HLTF: variants seen among roughly 807,000 people sequenced by gnomAD.
HLTF encodes the protein helicase like transcription factor.
Under a neutral mutation model 129.4 loss-of-function variants are expected in HLTF, and 127 were observed. That is an observed-to-expected ratio of 0.98 (90% CI 0.85 to 1.14). The LOEUF (loss-of-function observed/expected upper bound fraction) is 1.14, where lower values mean the gene tolerates loss of function less well. Ranked by LOEUF, HLTF falls within the 50% of genes most tolerant of loss-of-function variation. The pLI is 0.00. For synonymous variants in HLTF, 332 were observed against 388.8 expected, an observed-to-expected ratio of 0.85 and a Z score of 1.72; for missense variants, 1,139 against 1,187.1, an observed-to-expected ratio of 0.96 and a Z score of 0.60.
chr3:149,050,456 G>A, intron 14 of HLTF, 81 bp from the exon 15 acceptor site: 1 of 880,408 alleles, frequency 1.1e-6, no homozygotes. Flanking sequence ...TAACTGCCCT[G>A]GCAGTAGTGT....
Position 149,080,407 on chromosome 3 carries a change from C to T in HLTF, c.228+4275G>A, listed in dbSNP as rs372830148. On this transcript the variant is annotated intron_variant, in intron 2 of 24. Coordinates refer to ENST00000310053, the MANE Select transcript of HLTF (RefSeq NM_003071.4). ...CAAGAAAGCTGCTTCAAACCTCTCC[C>T]AGCATGTCTACTGACTCAAGAGATT... Among the ~76,000 whole-genome samples the T allele has an allele frequency of 2.8e-3, 331 of 116,796 alleles. 1 individual carries two copies. Among genetic ancestry groups the T allele is most frequent in the African/African-American group, 0.015 (321 of 21,678 alleles). 76.6% of individuals were successfully genotyped at this position (116,796 alleles called of 152,430 possible).
chr3:149,071,687 A>G (rs1718876725), intron 5 of HLTF, 30 bp from the exon 6 acceptor site: 4 of 1,238,910 alleles, frequency 3.2e-6, no homozygotes, highest in Non-Finnish European at 1.2e-6. Context: ...GAAACAATGT[A>G]AAACAAACTA....
At chr3:149,077,276 A>T (rs149363800) in intron 2 of HLTF, among the ~76,000 whole-genome samples, 44,077 of 149,662 alleles carry the variant, frequency 0.29, 7,356 homozygotes, top group Middle Eastern at 0.45. Flanking sequence ...ATAAATAAAT[A>T]AATAAATAAA....
At chr3:149,072,188 GTAAAAGAATA>G (rs1576617709) in intron 5 of HLTF, among the ~76,000 whole-genome samples, 1 of 152,162 alleles carries the variant, frequency 6.6e-6, no homozygotes, top group East Asian at 1.9e-4. Flanking sequence ...TTGTTAGGAG[GTAAAAGAATA>G]TAAAAGAATT....
At chr3:149,060,423 T>C (rs1034364187) in intron 12 of HLTF, among the ~76,000 whole-genome samples, 1 of 152,134 alleles carries the variant, frequency 6.6e-6, no homozygotes, top group African/African-American at 2.4e-5. Flanking sequence ...GTTTAAATAT[T>C]ATTATCCCTT....
rs754901630 is a variant in HLTF at position 149,068,350 on chromosome 3, A to G, written c.895-15T>C. The G allele has an allele frequency of 8.0e-7, 1 of 1,255,108 alleles. No homozygotes were observed. Among genetic ancestry groups the G allele is most frequent in the Non-Finnish European group, 1.1e-6 (1 of 878,060 alleles). The allele number at this position is 1,255,108 out of a possible 1,614,324, so 77.7% of individuals were successfully genotyped here. On this transcript the variant is annotated splice_polypyrimidine_tract_variant and intron_variant, in intron 7 of 24. Coordinates refer to ENST00000310053, the MANE Select transcript of HLTF (RefSeq NM_003071.4). Reference sequence around the variant, plus strand: ...AGAGTTTTACCCTTAAAAATGTTTTAAAAAGATAAATGGTCAGATTGTGAA... The same window carrying G: ...AGAGTTTTACCCTTAAAAATGTTTTGAAAAGATAAATGGTCAGATTGTGAA...
At chr3:149,043,548 A>G (rs778576284) in intron 18 of HLTF, among the ~76,000 whole-genome samples, 214 of 105,626 alleles carry the variant, frequency 2.0e-3, no homozygotes, top group South Asian at 6.6e-3. Flanking sequence ...CTTCAGAGGG[A>G]AAAAAAAAAA....
chr3:149,073,391 T>C, intron 4 of HLTF, 69 bp from the exon 5 acceptor site: 6 of 1,094,998 alleles, frequency 5.5e-6, no homozygotes, highest in Non-Finnish European at 5.5e-6. Flanking sequence ...ATTAAGTAGC[T>C]TTTAAAATAT....
chr3:149,051,134 G>C (rs533552725), intron 14 of HLTF, among the ~76,000 whole-genome samples: 7 of 151,742 alleles, frequency 4.6e-5, no homozygotes, highest in Admixed American at 6.6e-5. Context: ...ATAGGACTTG[G>C]GGACTAATGA....
chr3:149,086,529 A>C lies in HLTF; in HGVS notation c.-193T>G, dbSNP rs1049791085. 5.4e-5 allele frequency: 34 copies of C among 626,032 alleles called. No individual in the cohort carries two copies. The highest frequency in any genetic ancestry group is 4.9e-4 in the East Asian group (18 of 36,670). The allele number at this position is 626,032 out of a possible 1,614,324, so 38.8% of individuals were successfully genotyped here. On this transcript the variant is annotated 5_prime_UTR_variant, in exon 1 of 25. The change creates a new upstream start codon in the 5' untranslated region. Coordinates refer to ENST00000310053, the MANE Select transcript of HLTF (RefSeq NM_003071.4). Reference sequence around the variant, plus strand: ...CGTCGACGCCGTCTCCTTCTGCAACAATCTGGGAGACCAGCGTCGCTCTGT... The same window carrying C: ...CGTCGACGCCGTCTCCTTCTGCAACCATCTGGGAGACCAGCGTCGCTCTGT...
At chr3:149,062,865 AAAG>A (rs1718060383) in intron 10 of HLTF, among the ~76,000 whole-genome samples, 2 of 152,206 alleles carry the variant, frequency 1.3e-5, no homozygotes, top group South Asian at 4.1e-4. Context: ...AAATAGAAAA[AAAG>A]TAGTAGAAAG....
In HLTF at chr3:149,075,999, A is replaced by T; in HGVS notation, c.277T>A (p.Tyr93Asn). 6.5e-7 allele frequency: 1 copy of T among 1,544,116 alleles called. No homozygotes were observed. Among genetic ancestry groups the T allele is most frequent in the Non-Finnish European group, 8.9e-7 (1 of 1,119,252 alleles). The stretch of plus-strand genomic sequence containing the variant: ...TTTACTTTAATTGCATTCTTATCAT[A>T]AGGGTTATTAGGATCTCGTTGTAAT... ...VALQRDPNNP[Y>N]DKNAIKVNNV... The change falls in exon 3 of 25, where the codon TAT becomes AAT. Residue 93 changes from tyrosine to asparagine, a missense_variant. Tyr to Asn is a moderately radical substitution (Grantham distance 143). Transcript: ENST00000310053.
At chr3:149,055,206 T>C (rs1717317460) in intron 14 of HLTF, 97 bp downstream of exon 14, 2 of 767,034 alleles carry the variant, frequency 2.6e-6, no homozygotes, top group South Asian at 3.8e-5. Flanking sequence ...GATGACCAAG[T>C]ATATTTACCC....
chr3:149,031,572 C>T lies in HLTF; in HGVS notation c.*648G>A, dbSNP rs1715051906. On this transcript the variant is annotated 3_prime_UTR_variant, in exon 25 of 25. Transcript: ENST00000310053. ...AAACAATGAGTGTAGTACTACTTAA[C>T]TAAAATGGAAAAAATAGTACTCTTA... 6.6e-6 allele frequency: 1 copy of T among 152,366 alleles called. No individual in the cohort carries two copies. Among genetic ancestry groups the T allele is most frequent in the African/African-American group, 2.4e-5 (1 of 41,384 alleles). The allele number at this position is 152,366 out of a possible 1,614,324, so 9.4% of individuals were successfully genotyped here. A position where few individuals can be genotyped will look rare whatever the true frequency, so the allele number is the denominator to read the frequency against.
chr3:149,081,795 T>A (rs1719897260), intron 2 of HLTF, among the ~76,000 whole-genome samples: 1 of 152,174 alleles, frequency 6.6e-6, no homozygotes, highest in Non-Finnish European at 1.5e-5. Context: ...AAATGGTTAT[T>A]CAACTTGGAA....
chr3:149,074,346 A>G lies in HLTF; in HGVS notation c.398T>C (p.Val133Ala). ...MDNKLAQIEG[V>A]VPFGANNAFT... ...AGCATTGTTTGCACCAAAAGGAACTACCCTATTATATTTGGGAGAAAAAGA... is the reference window on the plus strand; with the variant it reads ...AGCATTGTTTGCACCAAAAGGAACTGCCCTATTATATTTGGGAGAAAAAGA... Residue 133 changes from valine (V) to alanine (A), a missense_variant and splice_region_variant, in exon 4 of 25, where the codon GTA becomes GCA. Val to Ala is a moderately conservative substitution (Grantham distance 64). Coordinates refer to ENST00000310053, the MANE Select transcript of HLTF (RefSeq NM_003071.4). 3 of 1,601,908 alleles carry G rather than the reference A, an allele frequency of 1.9e-6. No individual in the cohort carries two copies. Among genetic ancestry groups the G allele is most frequent in the Non-Finnish European group, 2.6e-6 (3 of 1,175,910 alleles).
chr3:149,053,964 A>G (rs1355541224), intron 14 of HLTF, among the ~76,000 whole-genome samples: 1 of 152,174 alleles, frequency 6.6e-6, no homozygotes, highest in African/African-American at 2.4e-5. Context: ...ATAGCAACAG[A>G]CCATTAACAT....
In HLTF at chr3:149,071,618, C is replaced by A. The variant is rs770061207; in HGVS notation, c.667G>T (p.Glu223Ter). The stretch of plus-strand genomic sequence containing the variant: ...TCCATTTCATGGGTTTTATCATCTT[C>A]TTTTAAATCTTCAAACAATTTGTCA... The part of the protein sequence containing the change: ...EFDKLFEDLK[E>*]DDKTHEMEPA... The change falls in exon 6 of 25, where the codon GAA becomes TAA. Residue 223 changes from glutamate (E) to a stop codon, truncating the protein, a stop_gained. Transcript: ENST00000310053. LOFTEE classifies it high-confidence loss of function. 5 of 1,597,028 alleles carry A rather than the reference C, an allele frequency of 3.1e-6. No individual in the cohort carries two copies. The highest frequency in any genetic ancestry group is 4.3e-6 in the Non-Finnish European group (5 of 1,167,840).
At chr3:149,039,745 T>A (rs951762853) in intron 21 of HLTF, 52 bp from the exon 22 acceptor site, 1 of 976,424 alleles carries the variant, frequency 1.0e-6, no homozygotes, top group Admixed American at 2.9e-5. Flanking sequence ...TCAGTAAAAT[T>A]AGTCTAAAAG....
Sources: allele counts gnomAD v4.1 joint callset (sites outside exome capture counted in the v4.1 genomes callset), GRCh38; gene constraint gnomAD v4.1.1; transcripts MANE v1.5; gene names NCBI Gene and HGNC (gene_info 2026-07-23, HGNC 2026-07-21).